The following NBPF20 variants were observed in gnomAD, a reference collection of about 807,000 sequenced individuals.
The protein encoded by NBPF20 is NBPF family member NBPF20.
Under a neutral mutation model 68.1 loss-of-function variants are expected in NBPF20, and 90 were observed. That is an observed-to-expected ratio of 1.32 (90% confidence interval 1.11 to 1.58). NBPF20 has a LOEUF of 1.58. NBPF20 is among the 40% of genes most tolerant of loss of function. The probability of loss-of-function intolerance (pLI) is 0.00; values close to 1 mark genes in which losing one functional copy is unlikely to be tolerated. For synonymous variants in NBPF20, 290 were observed against 228.1 expected (o/e 1.27, Z -2.45); for missense variants, 816 against 601.2 (o/e 1.36, Z -3.74).
intron 129 of NBPF20, among the ~76,000 whole-genome samples, chr1:145,298,395 G>A (rs1229262000): frequency 2.1e-5 from 3 of 143,692 alleles, no homozygotes; most frequent in Non-Finnish European, 4.4e-5. Context: ...CACAGAGAGA[G>A]AGAACGAGCT....
Position 145,400,255 on chromosome 1 carries a change from A to T in NBPF20, c.775+131T>A, listed in dbSNP as rs1662455580. Reference sequence around the variant, plus strand: ...ATGACATTAGCTGAGAAGGACAAAAAAAGTCCCTGATATCTGTTTAGAAAC... The same window carrying T: ...ATGACATTAGCTGAGAAGGACAAAATAAGTCCCTGATATCTGTTTAGAAAC... On this transcript the variant is annotated intron_variant, in intron 6 of 137. Coordinates refer to ENST00000369373, the Ensembl canonical transcript of NBPF20. The T allele has an allele frequency of 3.8e-6, 6 of 1,582,376 alleles. No individual in the cohort carries two copies. The African/African-American group carries it at 8.1e-5, about 21-fold the overall frequency.
At chr1:145,402,431 C>T (rs1333805179) in intron 3 of NBPF20, 50 bp from the exon 9 acceptor site, 148,342 of 1,593,886 alleles carry the variant, frequency 0.093, 8,007 homozygotes, top group Non-Finnish European at 0.11. Flanking sequence ...TTCAGTGATC[C>T]GCTCAAATAT....
At chr1:145,291,893 G>GA (rs1661129479) in intron 137 of NBPF20, 124 bp from the exon 143 acceptor site, 2 of 1,569,230 alleles carry the variant, frequency 1.3e-6, no homozygotes, top group East Asian at 2.2e-5. Flanking sequence ...CATTAATGAG[G>GA]TAAAAAAAAA....
the NBPF20 span, among the ~76,000 whole-genome samples, chr1:145,415,705 A>G: frequency 2.0e-5 from 3 of 151,850 alleles, no homozygotes; most frequent in Admixed American, 6.6e-5. Flanking sequence ...TAGGGAGCAC[A>G]GGGTTGGGGG....
chr1:145,291,784 A>T lies in NBPF20; in HGVS notation c.16698-15T>A. On this transcript the variant is annotated splice_polypyrimidine_tract_variant and intron_variant, in intron 137 of 137. Coordinates refer to ENST00000369373, the Ensembl canonical transcript of NBPF20. ...CGCCGTTGAGCCTGGAAAAGGAGAC[A>T]AAACTAAAGAAGCAGCCAGGGAAAA... 6.2e-7 allele frequency: 1 copy of T among 1,612,024 alleles called. No individual in the cohort carries two copies. The highest frequency in any genetic ancestry group is 8.5e-7 in the Non-Finnish European group (1 of 1,179,860).
chr1:145,410,763 T>C, the NBPF20 span, among the ~76,000 whole-genome samples: 6 of 140,016 alleles, frequency 4.3e-5, no homozygotes, highest in African/African-American at 1.0e-4. Context: ...TATATATATA[T>C]ACGTATATAT....
intron 7 of NBPF20, among the ~76,000 whole-genome samples, chr1:145,396,771 TAC>T (rs1428030579): frequency 1.4e-5 from 2 of 140,114 alleles, no homozygotes; most frequent in Non-Finnish European, 3.1e-5. Context: ...TATATATATA[TAC>T]AGATATATAT....
the NBPF20 span, among the ~76,000 whole-genome samples, chr1:145,425,238 C>A: frequency 6.6e-6 from 1 of 150,858 alleles, no homozygotes; most frequent in Non-Finnish European, 1.5e-5. Flanking sequence ...CAACCCCCCA[C>A]CCCGCCTCGC....
rs1661610849 is a variant in NBPF20 at position 145,341,147 on chromosome 1, G to C, written c.9096-208C>G. The stretch of plus-strand genomic sequence containing the variant: ...AGAAAGACAGAGAGAGAGAGACAGA[G>C]ACAGAGAGAGAGACAGAGACAGAGA... On this transcript the variant is annotated intron_variant, in intron 75 of 137. Transcript: ENST00000369373. 2.5e-5 allele frequency among the ~76,000 whole-genome samples: 2 copies of C among 80,546 alleles called. 1 individual carries two copies. The allele number at this position is 80,546 out of a possible 152,430, so 52.8% of individuals were successfully genotyped here.
chr1:145,401,681 C>G (rs75689293), intron 4 of NBPF20, among the ~76,000 whole-genome samples: 317 of 129,590 alleles, frequency 2.4e-3, no homozygotes, highest in South Asian at 9.7e-3. Context: ...ACGGCGAGGG[C>G]CTTCATCTCA....
At chr1:145,295,988 A>G (rs1331553837) in intron 132 of NBPF20, 4 of 162,828 alleles carry the variant, frequency 2.5e-5, no homozygotes, top group Non-Finnish European at 4.0e-5. Context: ...CACGGTATCG[A>G]GGATTTTAGA....
chr1:145,292,669 C>G (rs1290154759), intron 136 of NBPF20, among the ~76,000 whole-genome samples, 180 bp from the exon 142 acceptor site: 1 of 147,050 alleles, frequency 6.8e-6, no homozygotes, highest in African/African-American at 2.7e-5. Flanking sequence ...GGTTTTTCTC[C>G]CAGAAACTGT....
At chr1:145,399,963 T>G (rs1390086264) in intron 6 of NBPF20, among the ~76,000 whole-genome samples, 3 of 151,954 alleles carry the variant, frequency 2.0e-5, no homozygotes, top group African/African-American at 7.3e-5. Context: ...TTAAAGGAGA[T>G]CCAGATGAAA....
upstream of NBPF20, chr1:145,405,873 T>C (rs587649660): frequency 3.7e-5 from 7 of 189,236 alleles, no homozygotes; most frequent in Admixed American, 2.1e-4. Context: ...CATGAAGTCA[T>C]AAATAAAAAA....
At chr1:145,414,947 G>C in the NBPF20 span, among the ~76,000 whole-genome samples, 9 of 151,986 alleles carry the variant, frequency 5.9e-5, no homozygotes, top group African/African-American at 1.9e-4. Context: ...AAAAGAAAGA[G>C]ACACAGAGAC....
chr1:145,405,136 T>G (rs1553666777), exon 2 of NBPF20: 1 of 1,613,770 alleles, frequency 6.2e-7, no homozygotes. Context: ...GCCGGCCAGT[T>G]GAGTTACAAA....
At chr1:145,403,176 C>A (rs1225406393) in intron 3 of NBPF20, 40 bp downstream of exon 8, 1 of 1,611,416 alleles carries the variant, frequency 6.2e-7, no homozygotes, top group Non-Finnish European at 8.5e-7. Context: ...CAGAGATTTA[C>A]ACACCTGCCC....
At chr1:145,410,753 T>TATATATATATACGTATATATATATACAC in the NBPF20 span, among the ~76,000 whole-genome samples, 1 of 139,242 alleles carries the variant, frequency 7.2e-6, no homozygotes, top group Non-Finnish European at 1.5e-5. Context: ...TATATATACA[T>TATATATATATACGTATATATATATACAC]ATATATATAT....
chr1:145,410,700 A>G, the NBPF20 span, among the ~76,000 whole-genome samples: 23,804 of 117,970 alleles, frequency 0.2, 2,649 homozygotes, highest in Middle Eastern at 0.3. Context: ...ATATATATAT[A>G]TGTGTGTGTG....
Sources: gnomAD v4.1 joint callset for allele counts (sites outside exome capture counted in the v4.1 genomes callset) on GRCh38, gnomAD v4.1.1 for gene constraint, MANE v1.5 for transcripts, NCBI Gene and HGNC (gene_info 2026-07-23, HGNC 2026-07-21) for gene names.